The following APP variants were observed in gnomAD, a reference collection of about 807,000 sequenced individuals.
APP encodes the protein amyloid beta precursor protein, also known as amyloid-beta precursor protein.
APP carries 31 observed loss-of-function variants against 101.4 expected under a neutral mutation model. The observed-to-expected ratio is 0.31, with a 90% CI of 0.23 to 0.41. The LOEUF (loss-of-function observed/expected upper bound fraction) is 0.41. Among genes scored for constraint, APP ranks in the 10% least tolerant of loss-of-function variants. APP has a pLI of 1.00. For synonymous variants in APP, 366 were observed against 364.4 expected, an observed-to-expected ratio of 1.00 and a Z score of -0.05; for missense variants, 839 against 1,003.7, an observed-to-expected ratio of 0.84 and a Z score of 2.22.
At chr21:26,031,706 T>C (rs201021722) in intron 5 of APP, among the ~76,000 whole-genome samples, 8 of 272 alleles carry the variant, frequency 0.029, no homozygotes, top group Non-Finnish European at 0.048. Flanking sequence ...TTACCTCCCC[T>C]GGGTCCCTCC....
intron 5 of APP, among the ~76,000 whole-genome samples, chr21:26,041,893 A>G (rs1188485741): frequency 6.6e-6 from 1 of 152,086 alleles, no homozygotes; most frequent in Non-Finnish European, 1.5e-5. Flanking sequence ...AGAAAATGCA[A>G]GTTTCTGCTA....
chr21:25,985,175 T>A (rs2042591235), intron 8 of APP, among the ~76,000 whole-genome samples: 1 of 152,152 alleles, frequency 6.6e-6, no homozygotes, highest in South Asian at 2.1e-4. Flanking sequence ...GATAAAAACC[T>A]TCTTTTTAGG....
chr21:25,964,697 T>C (rs1601047831), intron 11 of APP, among the ~76,000 whole-genome samples: 1 of 150,260 alleles, frequency 6.7e-6, no homozygotes, highest in African/African-American at 2.5e-5. Flanking sequence ...GCAACCCGGG[T>C]TCAAGCGATT....
At chr21:25,904,763 AAAAC>A (rs1486358670) in intron 15 of APP, among the ~76,000 whole-genome samples, 1 of 152,176 alleles carries the variant, frequency 6.6e-6, no homozygotes, top group African/African-American at 2.4e-5. Flanking sequence ...AAGAAAAAAA[AAAAC>A]CCAAATTTGG....
Position 25,883,735 on chromosome 21 carries a change from G to C in APP, c.2212-1964C>G, listed in dbSNP as rs183352013. Reference sequence around the variant, plus strand: ...AAAAATAAATCTGTCAGTATAATCAGGTCCCCTGTGGTCCCTTCGGATAGC... The same window carrying C: ...AAAAATAAATCTGTCAGTATAATCACGTCCCCTGTGGTCCCTTCGGATAGC... On this transcript the variant is annotated intron_variant, in intron 17 of 17. Coordinates refer to ENST00000346798, the MANE Select transcript of APP (RefSeq NM_000484.4). 1.8e-4 allele frequency among the ~76,000 whole-genome samples: 27 copies of C among 152,254 alleles called. 1 individual carries two copies. The highest frequency in any genetic ancestry group is 8.5e-4 in the Admixed American group (13 of 15,290).
At chr21:26,133,392 G>A (rs1363936617) in intron 1 of APP, among the ~76,000 whole-genome samples, 2 of 152,136 alleles carry the variant, frequency 1.3e-5, no homozygotes, top group African/African-American at 4.8e-5. Context: ...GACTAATTTT[G>A]AATGTCTGAA....
intron 16 of APP, 120 bp from the exon 17 acceptor site, chr21:25,891,988 T>A: frequency 9.3e-7 from 1 of 1,076,208 alleles, no homozygotes; most frequent in Non-Finnish European, 1.3e-6. Flanking sequence ...TGAGGTTATA[T>A]AAAAAGTTTC....
In APP at chr21:25,997,360, G is replaced by C. The variant is rs749453173; in HGVS notation, c.1090C>G (p.Leu364Val). The change falls in exon 8 of 18, where the codon CTT becomes GTT. Residue 364 changes from leucine to valine, a missense_variant and splice_region_variant. Transcript: ENST00000346798. ...QEPLARDPVK[L>V]PTTAASTPDA... is the part of the protein sequence containing the mutation. ...TTCCCTCAGGTGAATGACAACGTAC[G>C]TTTAACAGGATCTCGGGCAAGAGGT... The C allele has an allele frequency of 1.9e-6, 3 of 1,613,576 alleles. No homozygotes were observed.
chr21:25,895,033 C>T (rs1301863860), intron 16 of APP, among the ~76,000 whole-genome samples: 2 of 151,850 alleles, frequency 1.3e-5, no homozygotes, highest in African/African-American at 4.8e-5. Context: ...AAGATTAGGA[C>T]TTGCTGAAGA....
intron 2 of APP, among the ~76,000 whole-genome samples, chr21:26,102,458 C>CT (rs1568977036): frequency 6.6e-6 from 1 of 152,030 alleles, no homozygotes; most frequent in Non-Finnish European, 1.5e-5. Flanking sequence ...ACAATTCTAA[C>CT]TTTTAGCCCC....
chr21:26,153,566 C>T (rs1178198834), intron 1 of APP, among the ~76,000 whole-genome samples: 2 of 152,160 alleles, frequency 1.3e-5, no homozygotes, highest in Non-Finnish European at 2.9e-5. Flanking sequence ...TGACCTCAGA[C>T]TCTCAAAGTT....
At chr21:26,165,791 T>C (rs1175515138) in intron 1 of APP, among the ~76,000 whole-genome samples, 2 of 152,240 alleles carry the variant, frequency 1.3e-5, no homozygotes, top group African/African-American at 4.8e-5. Flanking sequence ...CTTAGGTTTC[T>C]ATTTCAGCAG....
intron 5 of APP, among the ~76,000 whole-genome samples, chr21:26,024,415 G>A (rs899250351): frequency 6.6e-6 from 1 of 152,258 alleles, no homozygotes; most frequent in Non-Finnish European, 1.5e-5. Context: ...ATAGGAACCC[G>A]GGATTTGTAG....
intron 10 of APP, 137 bp downstream of exon 10, chr21:25,975,817 T>G: frequency 1.4e-6 from 1 of 729,646 alleles, no homozygotes; most frequent in Non-Finnish European, 2.5e-6. Flanking sequence ...TACTAGACAA[T>G]GATTAAGAAC....
chr21:26,031,036 A>T (rs2044794504), intron 5 of APP, among the ~76,000 whole-genome samples: 1 of 152,232 alleles, frequency 6.6e-6, no homozygotes, highest in Non-Finnish European at 1.5e-5. Context: ...TTACAAGGTG[A>T]CAAGTGTTAC....
chr21:25,958,620 G>T (rs2041440403), intron 11 of APP, among the ~76,000 whole-genome samples: 1 of 152,044 alleles, frequency 6.6e-6, no homozygotes, highest in Non-Finnish European at 1.5e-5. Flanking sequence ...AAGCACAAAA[G>T]CCTTGACTTT....
intron 1 of APP, among the ~76,000 whole-genome samples, chr21:26,145,800 T>C (rs1430023660): frequency 6.6e-6 from 1 of 152,202 alleles, no homozygotes; most frequent in African/African-American, 2.4e-5. Context: ...TAATCTGTGA[T>C]TATGCCTGCA....
intron 8 of APP, among the ~76,000 whole-genome samples, chr21:25,988,821 TTCTC>T (rs2042745905): frequency 7.2e-6 from 1 of 138,374 alleles, no homozygotes; most frequent in Non-Finnish European, 1.5e-5. Context: ...ATTCCCTTCT[TTCTC>T]TCACACCAAA....
chr21:25,984,455 T>C (rs897269244), intron 8 of APP, among the ~76,000 whole-genome samples: 13 of 152,200 alleles, frequency 8.5e-5, no homozygotes, highest in African/African-American at 3.1e-4. Flanking sequence ...AGTAAATTGT[T>C]AATTTGTAAG....
Sources: allele counts gnomAD v4.1 joint callset (sites outside exome capture counted in the v4.1 genomes callset), GRCh38; gene constraint gnomAD v4.1.1; transcripts MANE v1.5; gene names NCBI Gene and HGNC (gene_info 2026-07-23, HGNC 2026-07-21).